RBM28: variants seen among roughly 807,000 people sequenced by gnomAD.
RBM28 encodes the protein RNA-binding protein 28.
Under a neutral mutation model 98.3 loss-of-function variants are expected in RBM28, and 78 were observed. That is an observed-to-expected ratio of 0.79 (90% confidence interval 0.66 to 0.96). The LOEUF (loss-of-function observed/expected upper bound fraction) is 0.96, where lower values mean the gene tolerates loss of function less well. Ranked by LOEUF, RBM28 falls within the 40% of genes least tolerant of loss-of-function variation. RBM28 has a pLI of 0.00. For synonymous variants in RBM28, 306 were observed against 330.9 expected, an observed-to-expected ratio of 0.92 and a Z score of 0.82; for missense variants, 838 against 913.0, an observed-to-expected ratio of 0.92 and a Z score of 1.06.
Position 128,339,713 on chromosome 7 carries a change from G to C in RBM28, c.197C>G (p.Thr66Ser), listed in dbSNP as rs374127396. The part of the protein sequence containing the change: ...EDVQRALKEI[T>S]TFEGCKINVT... ...GTTGATCTTGCAACCTTCAAAGGTG[G>C]TAATCTCCTTGAGGGCCCTCTGAAC... Residue 66 changes from threonine to serine, a missense_variant, in exon 2 of 19, where the codon ACC (threonine) becomes AGC (serine). Physicochemically the swap from Thr to Ser is moderately conservative, Grantham distance 58. Coordinates refer to ENST00000223073, the MANE Select transcript of RBM28 (RefSeq NM_018077.3). 6.2e-7 allele frequency: 1 copy of C among 1,613,816 alleles called. No homozygotes were observed. Among genetic ancestry groups the C allele is most frequent in the Non-Finnish European group, 8.5e-7 (1 of 1,179,766 alleles).
At chr7:128,312,800 T>A (rs1796015192) in intron 18 of RBM28, among the ~76,000 whole-genome samples, 1 of 152,184 alleles carries the variant, frequency 6.6e-6, no homozygotes, top group African/African-American at 2.4e-5. Flanking sequence ...TATAATGGCA[T>A]AAGGTGTGTG....
At chr7:128,342,118 C>A (rs556679283) in intron 1 of RBM28, among the ~76,000 whole-genome samples, 18 of 152,218 alleles carry the variant, frequency 1.2e-4, no homozygotes, top group African/African-American at 3.9e-4. Flanking sequence ...GTGATCGCAC[C>A]ACTGCACTCC....
chr7:128,333,201 G>T, intron 9 of RBM28, 89 bp downstream of exon 9: 1 of 1,035,338 alleles, frequency 9.7e-7, no homozygotes, highest in Non-Finnish European at 1.5e-6. Context: ...TCTGGGCTAG[G>T]TAACAGAACT....
At position 128,310,713 on chromosome 7, in the gene RBM28, TGA is replaced by T. The variant is rs1386734680; in HGVS notation, c.*82_*83del. 7.0e-6 allele frequency: 11 copies of T among 1,560,410 alleles called. No homozygotes were observed. Among genetic ancestry groups the T allele is most frequent in the East Asian group, 2.2e-5 (1 of 44,582 alleles). ...CCCTTGGGGATTTTCTTTCCCTCAG[TGA>T]GAGACACGGGGGATGGGGAGGAGCC... On this transcript the variant is annotated 3_prime_UTR_variant, in exon 19 of 19. Transcript: ENST00000223073.
chr7:128,332,870 T>C (rs1366215815), intron 9 of RBM28, among the ~76,000 whole-genome samples: 1 of 152,108 alleles, frequency 6.6e-6, no homozygotes, highest in Admixed American at 6.6e-5. Context: ...CCCACCTAGT[T>C]TTCCTGGAAA....
chr7:128,309,829 C>A lies in RBM28; in HGVS notation c.*968G>T, dbSNP rs530122811. On this transcript the variant is annotated 3_prime_UTR_variant, in exon 19 of 19. Transcript: ENST00000223073. ...CAGGCAAAGGGAACGGATACAAAGG[C>A]TCTGAGGTGGTCAAGAGTCAAGAGA... 1 of 152,200 alleles carries A rather than the reference C, an allele frequency of 6.6e-6. No individual in the cohort carries two copies. Among genetic ancestry groups the A allele is most frequent in the Non-Finnish European group, 1.5e-5 (1 of 68,082 alleles). The allele number at this position is 152,200 out of a possible 1,614,324, so 9.4% of individuals were successfully genotyped here.
At chr7:128,333,179 C>T in intron 9 of RBM28, 111 bp downstream of exon 9, 1 of 824,990 alleles carries the variant, frequency 1.2e-6, no homozygotes, top group African/African-American at 1.7e-5. Context: ...ACCAGATGTG[C>T]TTGATCTAAT....
chr7:128,342,487 C>A (rs1180196009), intron 1 of RBM28, among the ~76,000 whole-genome samples: 1 of 151,986 alleles, frequency 6.6e-6, no homozygotes, highest in African/African-American at 2.4e-5. Context: ...TTCCAGACAA[C>A]CCTGGCCAAC....
chr7:128,314,644 T>C, intron 17 of RBM28, 120 bp downstream of exon 17: 1 of 1,512,884 alleles, frequency 6.6e-7, no homozygotes, highest in South Asian at 1.1e-5. Context: ...TGTGTGGGAA[T>C]ACATAGCACC....
At chr7:128,339,362 C>A (rs769362799) in intron 2 of RBM28, 41 bp from the exon 3 acceptor site, 1 of 1,468,842 alleles carries the variant, frequency 6.8e-7, no homozygotes, top group South Asian at 1.1e-5. Flanking sequence ...TCGAAAATCA[C>A]CCACTTCTAC....
Position 128,305,557 on chromosome 7 carries a change from A to C in RBM28, c.*5240T>G, listed in dbSNP as rs1795849988. 1.3e-5 allele frequency: 2 copies of C among 152,196 alleles called. No homozygotes were observed. Among genetic ancestry groups the C allele is most frequent in the Admixed American group, 1.3e-4 (2 of 15,268 alleles). The allele number at this position is 152,196 out of a possible 1,614,324, so 9.4% of individuals were successfully genotyped here. ...AGGCTAGTCCTGAACTCCTGGGCTCAAGTGATTCTCCCACTTTGACCTCTC... is the reference window on the plus strand; with the variant it reads ...AGGCTAGTCCTGAACTCCTGGGCTCCAGTGATTCTCCCACTTTGACCTCTC... On this transcript the variant is annotated 3_prime_UTR_variant, in exon 19 of 19. Coordinates refer to ENST00000223073, the MANE Select transcript of RBM28 (RefSeq NM_018077.3).
intron 10 of RBM28, among the ~76,000 whole-genome samples, chr7:128,330,464 C>T (rs1308743320): frequency 6.8e-6 from 1 of 146,240 alleles, no homozygotes; most frequent in Non-Finnish European, 1.5e-5. Flanking sequence ...TCATTGCAAC[C>T]TCCACCTCCC....
Position 128,321,328 on chromosome 7 carries a change from T to G in RBM28, c.1501A>C (p.Lys501Gln). ...CTCAGCAGCAGCTTTCTGAGCTGTT[T>G]GTCATCTACAGCCTTTGGGAGATTG... is the stretch of plus-strand genomic sequence containing the variant. ...LHNLPKAVDD[K>Q]QLRKLLLSAT... Residue 501 changes from lysine (K) to glutamine (Q), a missense_variant, in exon 14 of 19, where the codon AAA (lysine) becomes CAA (glutamine). By Grantham distance (53) the Lys-to-Gln change is moderately conservative. Transcript: ENST00000223073. 2 of 1,614,220 alleles carry G rather than the reference T, an allele frequency of 1.2e-6. No homozygotes were observed. Among genetic ancestry groups the G allele is most frequent in the East Asian group, 2.2e-5 (1 of 44,886 alleles).
Position 128,308,031 on chromosome 7 carries a change from T to A in RBM28, c.*2766A>T, listed in dbSNP as rs567731612. 2.5e-4 allele frequency: 38 copies of A among 152,266 alleles called. No individual in the cohort carries two copies. Among genetic ancestry groups the A allele is most frequent in the African/African-American group, 8.7e-4 (36 of 41,558 alleles). The allele number at this position is 152,266 out of a possible 1,614,324, so 9.4% of individuals were successfully genotyped here. A position where few individuals can be genotyped will look rare whatever the true frequency, so the allele number is the denominator to read the frequency against. ...TTTCCTGACACATCAGGCCCTGAAG[T>A]GAAGGAGAAGTGAGCACAACTCTCA... On this transcript the variant is annotated 3_prime_UTR_variant, in exon 19 of 19. Coordinates refer to ENST00000223073, the MANE Select transcript of RBM28 (RefSeq NM_018077.3).
chr7:128,323,015 G>C (rs1796269488), intron 13 of RBM28, among the ~76,000 whole-genome samples: 1 of 152,054 alleles, frequency 6.6e-6, no homozygotes, highest in Admixed American at 6.6e-5. Context: ...AGCAGCAAAG[G>C]AATATGAGTT....
chr7:128,325,920 T>C (rs750102237), intron 10 of RBM28, 29 bp from the exon 11 acceptor site: 2 of 1,551,924 alleles, frequency 1.3e-6, no homozygotes, highest in Non-Finnish European at 1.8e-6. Flanking sequence ...TTCAGTGAGA[T>C]CCCAAACTCC....
intron 5 of RBM28, 79 bp downstream of exon 5, chr7:128,338,171 T>G: frequency 9.7e-7 from 1 of 1,029,490 alleles, no homozygotes; most frequent in Admixed American, 1.7e-5. Flanking sequence ...CTTTTGAAAA[T>G]GCAGAAAGTG....
intron 10 of RBM28, among the ~76,000 whole-genome samples, chr7:128,330,507 A>G (rs1486217691): frequency 1.3e-5 from 2 of 149,122 alleles, no homozygotes; most frequent in Non-Finnish European, 3.0e-5. Context: ...TCAGCCTCCC[A>G]GGTAGCTGGG....
intron 10 of RBM28, among the ~76,000 whole-genome samples, chr7:128,330,124 A>G (rs1297998288): frequency 6.6e-6 from 1 of 152,042 alleles, no homozygotes; most frequent in Non-Finnish European, 1.5e-5. Flanking sequence ...ACTGCAACAG[A>G]GTTTTTCTGT....
Sources: allele counts gnomAD v4.1 joint callset (sites outside exome capture counted in the v4.1 genomes callset), GRCh38; gene constraint gnomAD v4.1.1; transcripts MANE v1.5; gene names NCBI Gene and HGNC (gene_info 2026-07-23, HGNC 2026-07-21).